The following RUNX1 variants were observed in gnomAD, a reference collection of about 807,000 sequenced individuals.
RUNX1 encodes RUNX family transcription factor 1, also known as runt-related transcription factor 1.
Under a neutral mutation model 42.8 loss-of-function variants are expected in RUNX1, and 19 were observed. The ratio of observed to expected loss-of-function variants is 0.44; its 90% CI spans 0.31 to 0.65. The LOEUF is 0.65. RUNX1 is among the 30% of genes least tolerant of loss of function. The probability of loss-of-function intolerance (pLI) is 0.07; values close to 1 mark genes in which losing one functional copy is unlikely to be tolerated. For synonymous variants in RUNX1, 271 were observed against 289.4 expected (o/e 0.94, Z 0.64); for missense variants, 528 against 672.0 (o/e 0.79, Z 2.37).
intron 7 of RUNX1, among the ~76,000 whole-genome samples, chr21:34,830,963 C>T (rs947272568): frequency 6.6e-6 from 1 of 152,086 alleles, no homozygotes; most frequent in Non-Finnish European, 1.5e-5. Flanking sequence ...AATTACGACA[C>T]CTTAAATGTG....
rs187223415 is a variant in RUNX1, at chr21:34,832,501, A to G, written c.805+1909T>C. ...AGGCAAATCCCTTAATCAACCTAGT[A>G]GTATAAATGGCCAGTTAGGCAACGA... is the stretch of plus-strand genomic sequence containing the variant. On this transcript the variant is annotated intron_variant, in intron 7 of 8. Coordinates refer to ENST00000675419, the MANE Select transcript of RUNX1 (RefSeq NM_001754.5). 1.4e-4 allele frequency among the ~76,000 whole-genome samples: 21 copies of G among 152,366 alleles called. No homozygotes were observed. In the East Asian group the frequency reaches 1.9e-3, roughly 14 times the overall value.
chr21:35,032,723 C>T (rs1457231999), intron 2 of RUNX1, among the ~76,000 whole-genome samples: 2 of 152,228 alleles, frequency 1.3e-5, no homozygotes, highest in Non-Finnish European at 2.9e-5. Flanking sequence ...AGAATTGGAA[C>T]CACCTCCATG....
intron 5 of RUNX1, among the ~76,000 whole-genome samples, chr21:34,872,170 A>G (rs1481959033): frequency 1.3e-5 from 2 of 152,110 alleles, no homozygotes; most frequent in East Asian, 1.9e-4. Flanking sequence ...ATATGAGTGG[A>G]CACTGTCCAC....
intron 6 of RUNX1, among the ~76,000 whole-genome samples, chr21:34,851,266 G>A (rs1313948063): frequency 6.6e-6 from 1 of 152,258 alleles, no homozygotes; most frequent in Non-Finnish European, 1.5e-5. Context: ...TTTGCCTGAT[G>A]TGATTTAGGA....
intron 5 of RUNX1, among the ~76,000 whole-genome samples, chr21:34,861,139 A>G (rs756605098): frequency 1.3e-5 from 2 of 152,212 alleles, no homozygotes; most frequent in Non-Finnish European, 2.9e-5. Flanking sequence ...CCCAGAACCT[A>G]GAGACGAGTC....
chr21:34,834,759 T>A (rs1011210427), intron 6 of RUNX1, among the ~76,000 whole-genome samples, 158 bp from the exon 7 acceptor site: 3 of 152,070 alleles, frequency 2.0e-5, no homozygotes, highest in African/African-American at 7.2e-5. Flanking sequence ...ATATGCCAGC[T>A]GAATTTGGGG....
At chr21:34,861,903 C>A (rs13047845) in intron 5 of RUNX1, among the ~76,000 whole-genome samples, 20,960 of 152,020 alleles carry the variant, frequency 0.14, 1,654 homozygotes, top group Middle Eastern at 0.27. Context: ...ATGCAGTTTG[C>A]GGCTGTGTAG....
At chr21:35,049,104 T>C (rs1052863289) in intron 1 of RUNX1, 64 bp downstream of exon 1, 1 of 554,342 alleles carries the variant, frequency 1.8e-6, no homozygotes, top group Non-Finnish European at 3.2e-6. Flanking sequence ...AATATTCAAA[T>C]TGTTAAAGAT....
chr21:34,796,665 T>C (rs1203936264), intron 8 of RUNX1, among the ~76,000 whole-genome samples: 1 of 152,228 alleles, frequency 6.6e-6, no homozygotes, highest in Non-Finnish European at 1.5e-5. Context: ...GCAGCCTCGC[T>C]ACAGGGCCCC....
chr21:34,870,516 A>AG (rs2057721967), intron 5 of RUNX1, among the ~76,000 whole-genome samples: 1 of 152,230 alleles, frequency 6.6e-6, no homozygotes, highest in South Asian at 2.1e-4. Flanking sequence ...AGTAGAGGCC[A>AG]GGGGTGCTGT....
At chr21:35,022,357 C>T (rs1003460287) in intron 2 of RUNX1, among the ~76,000 whole-genome samples, 1 of 152,208 alleles carries the variant, frequency 6.6e-6, no homozygotes, top group African/African-American at 2.4e-5. Context: ...CTAGCCTGCG[C>T]CCCGCAGGAG....
chr21:34,852,201 A>AAACAG (rs55661531), intron 6 of RUNX1, among the ~76,000 whole-genome samples: 1 of 150,896 alleles, frequency 6.6e-6, no homozygotes, highest in Non-Finnish European at 1.5e-5. Flanking sequence ...AAACAAAACA[A>AAACAG]CAACCACACA....
intron 2 of RUNX1, among the ~76,000 whole-genome samples, chr21:34,947,428 G>T (rs185493807): frequency 6.6e-6 from 1 of 151,986 alleles, no homozygotes; most frequent in Admixed American, 6.5e-5. Flanking sequence ...ACACCCACAC[G>T]CACACTCTTA....
At position 34,930,406 on chromosome 21, in the gene RUNX1, C is replaced by T. The variant is rs1236522886; in HGVS notation, c.59-37443G>A. 2.6e-5 allele frequency among the ~76,000 whole-genome samples: 4 copies of T among 151,116 alleles called. No individual in the cohort carries two copies. In the East Asian group the frequency reaches 7.8e-4, roughly 29 times the overall value. On this transcript the variant is annotated intron_variant, in intron 2 of 8. Coordinates refer to ENST00000675419, the MANE Select transcript of RUNX1 (RefSeq NM_001754.5). ...GGAGGGATGGCCAAATAAGGTTTAT[C>T]TGGGGTCCCAACTCTGATTGATTAG...
intron 2 of RUNX1, among the ~76,000 whole-genome samples, chr21:34,947,211 G>A (rs1027849506): frequency 6.6e-5 from 10 of 152,154 alleles, no homozygotes; most frequent in African/African-American, 2.4e-4. Flanking sequence ...ATATAGCCCT[G>A]TGTTCATAGC....
intron 6 of RUNX1, among the ~76,000 whole-genome samples, chr21:34,849,709 T>C (rs2057390290): frequency 6.7e-6 from 1 of 150,332 alleles, no homozygotes; most frequent in Non-Finnish European, 1.5e-5. Context: ...TAATAGATTA[T>C]ACCTAATTTA....
intron 2 of RUNX1, chr21:35,038,834 G>A: frequency 2.3e-6 from 1 of 441,714 alleles, no homozygotes; most frequent in Non-Finnish European, 4.6e-6. Flanking sequence ...CTTGGCCGAG[G>A]CCATCTCTGA....
rs181150708 is a variant in RUNX1 at position 34,930,805 on chromosome 21, T to C, written c.59-37842A>G. 2.6e-5 allele frequency among the ~76,000 whole-genome samples: 4 copies of C among 152,084 alleles called. No homozygotes were observed. In the East Asian group the frequency reaches 5.8e-4, roughly 22 times the overall value. On this transcript the variant is annotated intron_variant, in intron 2 of 8. Coordinates refer to ENST00000675419, the MANE Select transcript of RUNX1 (RefSeq NM_001754.5). Reference sequence around the variant, plus strand: ...TTTGAGAAAAGACAAGGAAGAAAACTGCAAGTGAACCATATATAGAAGTAG... The same window carrying C: ...TTTGAGAAAAGACAAGGAAGAAAACCGCAAGTGAACCATATATAGAAGTAG...
chr21:34,909,588 C>CAAAAA (rs10584066), intron 2 of RUNX1, among the ~76,000 whole-genome samples: 13 of 75,020 alleles, frequency 1.7e-4, no homozygotes, highest in African/African-American at 5.0e-4. Flanking sequence ...CACTGTTCCT[C>CAAAAA]AAAAAAAAAA....
Sources: gnomAD v4.1 joint callset for allele counts (sites outside exome capture counted in the v4.1 genomes callset) on GRCh38, gnomAD v4.1.1 for gene constraint, MANE v1.5 for transcripts, NCBI Gene and HGNC (gene_info 2026-07-23, HGNC 2026-07-21) for gene names.